The following ARB2A variants were observed in gnomAD, a reference collection of about 807,000 sequenced individuals.
The protein encoded by ARB2A is ARB2 cotranscriptional regulator A, also known as cotranscriptional regulator ARB2A.
the ARB2A span, among the ~76,000 whole-genome samples, chr5:93,930,004 C>T: frequency 4.1e-3 from 623 of 152,186 alleles, 17 homozygotes; most frequent in Admixed American, 0.038. Flanking sequence ...CTCACTTCAG[C>T]GCAATCTACA....
the ARB2A span, among the ~76,000 whole-genome samples, chr5:93,801,416 G>A: frequency 5.3e-5 from 8 of 152,164 alleles, no homozygotes; most frequent in South Asian, 6.2e-4. Context: ...GAAACCAGCC[G>A]AGTATTTTTA....
chr5:94,053,851 C>T, the ARB2A span, among the ~76,000 whole-genome samples: 1 of 152,310 alleles, frequency 6.6e-6, no homozygotes, highest in South Asian at 2.1e-4. Flanking sequence ...ACTCTCCAAC[C>T]TCTGCCTCCC....
the ARB2A span, among the ~76,000 whole-genome samples, chr5:93,677,919 G>A: frequency 2.0e-5 from 3 of 152,164 alleles, no homozygotes; most frequent in East Asian, 1.9e-4. Flanking sequence ...CTGTGTAGCC[G>A]AATGTTTATG....
the ARB2A span, among the ~76,000 whole-genome samples, chr5:93,967,099 A>G: frequency 6.6e-6 from 1 of 152,142 alleles, no homozygotes; most frequent in Non-Finnish European, 1.5e-5. Flanking sequence ...TCCAGATTGC[A>G]TAGAATTGCA....
the ARB2A span, among the ~76,000 whole-genome samples, chr5:94,001,550 T>C: frequency 2.0e-5 from 3 of 152,070 alleles, no homozygotes; most frequent in Non-Finnish European, 2.9e-5. Context: ...GGGGTTTCAA[T>C]TGATATATCC....
At chr5:94,067,059 C>T in the ARB2A span, among the ~76,000 whole-genome samples, 1 of 152,146 alleles carries the variant, frequency 6.6e-6, no homozygotes, top group Admixed American at 6.6e-5. Flanking sequence ...TAGTGTGATA[C>T]AGCACATCAA....
At chr5:93,742,567 T>C in the ARB2A span, among the ~76,000 whole-genome samples, 1 of 152,120 alleles carries the variant, frequency 6.6e-6, no homozygotes, top group Non-Finnish European at 1.5e-5. Flanking sequence ...GTTTCAATGT[T>C]TCCTAGGAGG....
At chr5:94,047,904 T>G in the ARB2A span, among the ~76,000 whole-genome samples, 7 of 152,144 alleles carry the variant, frequency 4.6e-5, no homozygotes, top group Non-Finnish European at 7.4e-5. Context: ...GTGGTGTACA[T>G]GGCTTATGGA....
At chr5:94,024,873 C>T in the ARB2A span, among the ~76,000 whole-genome samples, 19 of 152,046 alleles carry the variant, frequency 1.2e-4, no homozygotes, top group Non-Finnish European at 1.2e-4. Context: ...AACTAAAAAA[C>T]GCAAGTAGGT....
the ARB2A span, among the ~76,000 whole-genome samples, chr5:93,715,542 G>A: frequency 6.6e-6 from 1 of 152,036 alleles, no homozygotes; most frequent in African/African-American, 2.4e-5. Context: ...CTTTGCCTGA[G>A]GCTTCAGGGG....
the ARB2A span, among the ~76,000 whole-genome samples, chr5:93,691,109 T>C: frequency 3.3e-5 from 5 of 152,058 alleles, no homozygotes; most frequent in African/African-American, 1.2e-4. Context: ...AAAATCAGAA[T>C]GCCTCTCCTC....
chr5:93,902,087 TAA>T, the ARB2A span, among the ~76,000 whole-genome samples: 89 of 152,102 alleles, frequency 5.9e-4, no homozygotes, highest in African/African-American at 2.1e-3. Flanking sequence ...ATAAGATATA[TAA>T]GAGTCATGTA....
the ARB2A span, among the ~76,000 whole-genome samples, chr5:93,681,619 A>G: frequency 1.3e-5 from 2 of 152,156 alleles, no homozygotes; most frequent in Non-Finnish European, 2.9e-5. Flanking sequence ...TACCTGAACC[A>G]CATTTTGTAA....
the ARB2A span, among the ~76,000 whole-genome samples, chr5:94,066,295 C>G: frequency 0.014 from 2,115 of 151,746 alleles, 52 homozygotes; most frequent in African/African-American, 0.048. Flanking sequence ...AAGAAAAAAC[C>G]AAACCCAAAA....
chr5:93,638,769 C>T, the ARB2A span, among the ~76,000 whole-genome samples: 1,108 of 151,954 alleles, frequency 7.3e-3, 9 homozygotes, highest in South Asian at 0.021. Context: ...GCAGATGGTG[C>T]GATGAGCCGA....
At chr5:93,754,336 G>C in the ARB2A span, among the ~76,000 whole-genome samples, 1 of 152,146 alleles carries the variant, frequency 6.6e-6, no homozygotes, top group Admixed American at 6.5e-5. Flanking sequence ...TGTAAGCTCT[G>C]TGTGGGACCT....
chr5:93,766,026 C>A, the ARB2A span, among the ~76,000 whole-genome samples: 2 of 152,114 alleles, frequency 1.3e-5, no homozygotes, highest in African/African-American at 2.4e-5. Context: ...ACACCTTATA[C>A]AAAAATTAAT....
chr5:94,041,909 A>G, the ARB2A span, among the ~76,000 whole-genome samples: 1 of 151,562 alleles, frequency 6.6e-6, no homozygotes, highest in East Asian at 1.9e-4. Flanking sequence ...ACATAATTAA[A>G]ATCCTGAACT....
the ARB2A span, among the ~76,000 whole-genome samples, chr5:93,974,671 A>G: frequency 1.3e-5 from 2 of 152,222 alleles, no homozygotes; most frequent in African/African-American, 4.8e-5. Context: ...CACACAGAAC[A>G]TATTTCAGGA....
Sources: gnomAD v4.1 joint callset for allele counts (sites outside exome capture counted in the v4.1 genomes callset) on GRCh38, gnomAD v4.1.1 for gene constraint, MANE v1.5 for transcripts, NCBI Gene and HGNC (gene_info 2026-07-23, HGNC 2026-07-21) for gene names.